Variants in GRIK2 observed in about 807,000 individuals in gnomAD.
The protein encoded by GRIK2 is glutamate ionotropic receptor kainate type subunit 2, also known as glutamate receptor ionotropic, kainate 2.
GRIK2 carries 32 observed loss-of-function variants against 100.3 expected under a neutral mutation model. That is an observed-to-expected ratio of 0.32 (90% CI 0.24 to 0.43). The LOEUF (loss-of-function observed/expected upper bound fraction) is 0.43. Ranked by LOEUF, GRIK2 falls within the 20% of genes least tolerant of loss-of-function variation. The probability of loss-of-function intolerance (pLI) is 1.00; values close to 1 mark genes in which losing one functional copy is unlikely to be tolerated. For missense variants in GRIK2, 843 were observed against 1,114.9 expected, an observed-to-expected ratio of 0.76 and a Z score of 3.47; for synonymous variants, 417 against 389.4, an observed-to-expected ratio of 1.07 and a Z score of -0.83.
At chr6:101,852,856 G>A (rs1029955140) in intron 10 of GRIK2, among the ~76,000 whole-genome samples, 1 of 152,110 alleles carries the variant, frequency 6.6e-6, no homozygotes, top group Non-Finnish European at 1.5e-5. Flanking sequence ...AGACTAGCAG[G>A]CCAGGAAGAG....
intron 14 of GRIK2, 113 bp downstream of exon 14, chr6:101,928,745 T>C (rs1790071831): frequency 7.7e-6 from 5 of 651,728 alleles, no homozygotes; most frequent in South Asian, 5.4e-5. Context: ...CAATTCTTAA[T>C]AATAGCATAT....
At chr6:102,011,577 CTTTTTTT>C (rs763369559) in intron 14 of GRIK2, among the ~76,000 whole-genome samples, 4,421 of 76,674 alleles carry the variant, frequency 0.058, 134 homozygotes, top group East Asian at 0.34. Flanking sequence ...CTTTCTTTTC[CTTTTTTT>C]TTTTTTTTTT....
intron 7 of GRIK2, among the ~76,000 whole-genome samples, chr6:101,775,460 T>C (rs1778678061): frequency 6.6e-6 from 1 of 151,916 alleles, no homozygotes; most frequent in Admixed American, 6.6e-5. Context: ...TCTCTTCCTT[T>C]CAGCCCTCAT....
chr6:101,516,884 T>C (rs1372455670), intron 2 of GRIK2, among the ~76,000 whole-genome samples: 1 of 129,178 alleles, frequency 7.7e-6, no homozygotes, highest in African/African-American at 2.6e-5. Context: ...TTTACTATGT[T>C]GGAAAAATTC....
chr6:101,500,578 C>T (rs1043153041), intron 2 of GRIK2, among the ~76,000 whole-genome samples: 1 of 151,996 alleles, frequency 6.6e-6, no homozygotes, highest in African/African-American at 2.4e-5. Context: ...TATTAATAAA[C>T]TTAAAATAGG....
intron 10 of GRIK2, among the ~76,000 whole-genome samples, chr6:101,835,119 T>C (rs1782982984): frequency 6.6e-6 from 1 of 152,208 alleles, no homozygotes; most frequent in South Asian, 2.1e-4. Context: ...CTAATTTTCA[T>C]TCCATTCATT....
At chr6:101,987,261 G>A (rs1465987315) in intron 14 of GRIK2, among the ~76,000 whole-genome samples, 1 of 151,690 alleles carries the variant, frequency 6.6e-6, no homozygotes, top group African/African-American at 2.4e-5. Flanking sequence ...TTGTGTGGAC[G>A]GCATTGGTGA....
chr6:101,539,650 T>G (rs1775890268), intron 2 of GRIK2, among the ~76,000 whole-genome samples: 1 of 151,930 alleles, frequency 6.6e-6, no homozygotes, highest in African/African-American at 2.4e-5. Flanking sequence ...TTTTATTTTC[T>G]TTGCTAACAT....
intron 10 of GRIK2, among the ~76,000 whole-genome samples, chr6:101,821,071 G>T (rs2128423286): frequency 6.6e-6 from 1 of 152,114 alleles, no homozygotes; most frequent in East Asian, 1.9e-4. Flanking sequence ...TTAAATAAAT[G>T]ATATTTAATT....
intron 2 of GRIK2, among the ~76,000 whole-genome samples, chr6:101,399,684 C>T (rs1016403708): frequency 1.3e-5 from 2 of 152,184 alleles, no homozygotes; most frequent in African/African-American, 4.8e-5. Context: ...CACGGTCAGC[C>T]GCCACTCCCG....
chr6:101,845,647 C>T (rs115018368), intron 10 of GRIK2, among the ~76,000 whole-genome samples: 3,787 of 152,218 alleles, frequency 0.025, 171 homozygotes, highest in African/African-American at 0.086. Context: ...TGTTTAAACA[C>T]CAATTTTTAA....
At chr6:101,758,267 G>C (rs1777259860) in intron 7 of GRIK2, among the ~76,000 whole-genome samples, 1 of 152,112 alleles carries the variant, frequency 6.6e-6, no homozygotes, top group South Asian at 2.1e-4. Context: ...AAGGTAGGTT[G>C]AGTATAAAGT....
At chr6:101,537,884 C>A (rs1775792287) in intron 2 of GRIK2, among the ~76,000 whole-genome samples, 2 of 151,718 alleles carry the variant, frequency 1.3e-5, no homozygotes, top group African/African-American at 4.8e-5. Flanking sequence ...ACATGCCTAT[C>A]ATACTAAAAT....
intron 2 of GRIK2, among the ~76,000 whole-genome samples, chr6:101,556,693 A>C (rs895347318): frequency 6.6e-6 from 1 of 152,118 alleles, no homozygotes; most frequent in Non-Finnish European, 1.5e-5. Flanking sequence ...AACCTGTGAG[A>C]TTGCTGCTGT....
chr6:101,644,619 A>C (rs1382654139), intron 4 of GRIK2, among the ~76,000 whole-genome samples: 1 of 151,898 alleles, frequency 6.6e-6, no homozygotes, highest in Non-Finnish European at 1.5e-5. Flanking sequence ...GTCTTGATTT[A>C]GGCCTCATAA....
intron 14 of GRIK2, among the ~76,000 whole-genome samples, chr6:101,936,246 G>A (rs1402304948): frequency 2.0e-5 from 3 of 151,924 alleles, no homozygotes; most frequent in Non-Finnish European, 2.9e-5. Context: ...AAGTCTGGAA[G>A]AAATATCGCA....
At chr6:101,759,833 G>A (rs913234417) in intron 7 of GRIK2, among the ~76,000 whole-genome samples, 28 of 151,500 alleles carry the variant, frequency 1.8e-4, no homozygotes. Flanking sequence ...TCACTAGCTA[G>A]ATAAATGCAG....
chr6:101,438,973 A>G (rs750792623), intron 2 of GRIK2, among the ~76,000 whole-genome samples: 3 of 152,150 alleles, frequency 2.0e-5, no homozygotes, highest in African/African-American at 4.8e-5. Flanking sequence ...GAGGTTTGTT[A>G]TATTTTAGGT....
chr6:101,814,415 G>A (rs1257377741), intron 9 of GRIK2, among the ~76,000 whole-genome samples: 1 of 151,914 alleles, frequency 6.6e-6, no homozygotes, highest in African/African-American at 2.4e-5. Context: ...TATATATTGA[G>A]AGTTTACGTA....
Sources: allele counts gnomAD v4.1 joint callset (sites outside exome capture counted in the v4.1 genomes callset), GRCh38; gene constraint gnomAD v4.1.1; transcripts MANE v1.5; gene names NCBI Gene and HGNC (gene_info 2026-07-23, HGNC 2026-07-21).